Variants in GPC6 observed in about 807,000 individuals in gnomAD.
The protein encoded by GPC6 is glypican 6.
In GPC6, 14 loss-of-function variants were observed where a neutral mutation model predicts 55.2. That is an observed-to-expected ratio of 0.25 (90% CI 0.17 to 0.40). The LOEUF is 0.40. Ranked by LOEUF, GPC6 falls within the 10% of genes least tolerant of loss-of-function variation. The probability of loss-of-function intolerance (pLI) is 1.00; values close to 1 mark genes in which losing one functional copy is unlikely to be tolerated. For missense variants in GPC6, 641 were observed against 708.5 expected (o/e 0.90, Z 1.08); for synonymous variants, 278 against 259.6 (o/e 1.07, Z -0.68).
intron 2 of GPC6, among the ~76,000 whole-genome samples, chr13:93,812,787 T>A (rs1886737459): frequency 6.6e-6 from 1 of 152,218 alleles, no homozygotes; most frequent in Admixed American, 6.5e-5. Context: ...TGCCACACAC[T>A]CTCCTAATTG....
At chr13:93,517,915 A>C (rs1881261658) in intron 1 of GPC6, among the ~76,000 whole-genome samples, 1 of 152,016 alleles carries the variant, frequency 6.6e-6, no homozygotes, top group Non-Finnish European at 1.5e-5. Flanking sequence ...TTTCCTTTTC[A>C]GCAAATCTCT....
At chr13:93,385,753 C>G (rs972570224) in intron 1 of GPC6, among the ~76,000 whole-genome samples, 1 of 151,812 alleles carries the variant, frequency 6.6e-6, no homozygotes, top group African/African-American at 2.4e-5. Flanking sequence ...AAGATTAGTC[C>G]CCCTGTTGTA....
At chr13:94,088,040 G>A (rs905476601) in intron 4 of GPC6, among the ~76,000 whole-genome samples, 1 of 152,148 alleles carries the variant, frequency 6.6e-6, no homozygotes, top group African/African-American at 2.4e-5. Flanking sequence ...ACCTCTTGCT[G>A]AGGCACAGAT....
intron 4 of GPC6, among the ~76,000 whole-genome samples, chr13:94,054,969 C>A (rs978670390): frequency 2.0e-5 from 3 of 152,102 alleles, no homozygotes; most frequent in African/African-American, 7.2e-5. Flanking sequence ...TAAAAAAATC[C>A]CCATTCCAAA....
chr13:93,661,315 G>T lies in GPC6; in HGVS notation c.319+115894G>T, dbSNP rs555161553. Among the ~76,000 whole-genome samples the T allele has an allele frequency of 2.9e-3, 435 of 152,190 alleles. 2 individuals are homozygous for T. Among genetic ancestry groups the T allele is most frequent in the African/African-American group, 0.01 (420 of 41,514 alleles). ...TGCAACCTCCGCCTCCTGGTTTCAA[G>T]CGATTCTCCTGCCTTAGCCTTCCAA... On this transcript the variant is annotated intron_variant, in intron 2 of 8. Transcript: ENST00000377047.
chr13:93,411,971 C>T lies in GPC6; in HGVS notation c.161-133292C>T, dbSNP rs187798547. On this transcript the variant is annotated intron_variant, in intron 1 of 8. Transcript: ENST00000377047. ...TGAGCCAAGATCATGCCACTTTACT[C>T]CAGCCTGGGCAACAGAGAGGGACTA... is the stretch of plus-strand genomic sequence containing the variant. Among the ~76,000 whole-genome samples the T allele has an allele frequency of 7.9e-3, 1,194 of 151,052 alleles. 5 individuals are homozygous for T. The highest frequency in any genetic ancestry group is 0.012 in the Non-Finnish European group (814 of 67,888).
chr13:93,846,530 A>G (rs1888186733), intron 3 of GPC6, among the ~76,000 whole-genome samples: 1 of 152,190 alleles, frequency 6.6e-6, no homozygotes, highest in Non-Finnish European at 1.5e-5. Context: ...TGAAATTTTC[A>G]GGCTGGGCAC....
intron 2 of GPC6, among the ~76,000 whole-genome samples, chr13:93,829,917 T>C (rs1887417412): frequency 1.3e-5 from 2 of 152,186 alleles, no homozygotes; most frequent in Non-Finnish European, 2.9e-5. Flanking sequence ...GAGGATTACA[T>C]GGTAGACTCC....
At chr13:93,333,922 T>G (rs926481230) in intron 1 of GPC6, among the ~76,000 whole-genome samples, 2 of 152,190 alleles carry the variant, frequency 1.3e-5, no homozygotes, top group Non-Finnish European at 2.9e-5. Context: ...TTTGGTGTAG[T>G]CTTTAGGTTT....
Position 94,404,297 on chromosome 13 carries a change from G to A in GPC6, c.*1080G>A, listed in dbSNP as rs572255747. 4 of 151,824 alleles carry A rather than the reference G, an allele frequency of 2.6e-5. No homozygotes were observed. The highest frequency in any genetic ancestry group is 9.7e-5 in the African/African-American group (4 of 41,422). 9.4% of individuals were successfully genotyped at this position (151,824 alleles called of 1,614,324 possible). On this transcript the variant is annotated 3_prime_UTR_variant, in exon 9 of 9. Coordinates refer to ENST00000377047, the MANE Select transcript of GPC6 (RefSeq NM_005708.5). ...AAACAACTCACAACAGAAAAAAAAA[G>A]TCAAGACAAAAAATATATATATATA...
chr13:93,521,286 A>ATTTCT (rs1400361750), intron 1 of GPC6, among the ~76,000 whole-genome samples: 24 of 151,818 alleles, frequency 1.6e-4, no homozygotes, highest in East Asian at 3.9e-4. Flanking sequence ...CCAGGGGAAG[A>ATTTCT]TTTATTTTCT....
the GPC6 span, among the ~76,000 whole-genome samples, chr13:93,221,668 G>A: frequency 1.3e-5 from 2 of 152,140 alleles, no homozygotes; most frequent in Admixed American, 1.3e-4. Flanking sequence ...CACCATTTCT[G>A]GTCATTATTC....
chr13:93,709,496 T>C (rs1190289908), intron 2 of GPC6, among the ~76,000 whole-genome samples: 1 of 151,856 alleles, frequency 6.6e-6, no homozygotes, highest in Non-Finnish European at 1.5e-5. Context: ...CCATGACTTT[T>C]GAATATACAC....
Position 94,133,481 on chromosome 13 carries a change from C to G in GPC6, c.877+105587C>G, listed in dbSNP as rs543505078. The stretch of plus-strand genomic sequence containing the variant: ...GGGAATGTATTCATTTTATATTATA[C>G]AAGATATCTTGGCAGAACTTAATAA... On this transcript the variant is annotated intron_variant, in intron 4 of 8. Transcript: ENST00000377047. Among the ~76,000 whole-genome samples the G allele has an allele frequency of 5.3e-5, 8 of 152,152 alleles. No individual in the cohort carries two copies. In the East Asian group the frequency reaches 1.5e-3, roughly 29 times the overall value.
intron 2 of GPC6, among the ~76,000 whole-genome samples, chr13:93,685,148 T>A (rs2138771800): frequency 6.6e-6 from 1 of 152,332 alleles, no homozygotes; most frequent in Non-Finnish European, 1.5e-5. Context: ...TCTCTTTCAT[T>A]TGAGAGTACC....
chr13:93,697,287 G>C (rs1234650322), intron 2 of GPC6, among the ~76,000 whole-genome samples: 1 of 152,124 alleles, frequency 6.6e-6, no homozygotes, highest in Non-Finnish European at 1.5e-5. Context: ...TGCATTGCTA[G>C]AGTGCCTTTT....
chr13:94,043,944 G>T (rs1883633339), intron 4 of GPC6, among the ~76,000 whole-genome samples: 1 of 151,758 alleles, frequency 6.6e-6, no homozygotes, highest in Non-Finnish European at 1.5e-5. Context: ...ATAGAATTAG[G>T]TTTCCTTGGT....
chr13:93,473,965 C>T (rs1879217082), intron 1 of GPC6, among the ~76,000 whole-genome samples: 1 of 152,158 alleles, frequency 6.6e-6, no homozygotes, highest in Non-Finnish European at 1.5e-5. Flanking sequence ...CCACTGCTGC[C>T]ACTGCTGCTT....
At chr13:93,384,665 A>G (rs893796655) in intron 1 of GPC6, among the ~76,000 whole-genome samples, 10 of 152,202 alleles carry the variant, frequency 6.6e-5, no homozygotes, top group Admixed American at 2.0e-4. Context: ...GTTCAACATA[A>G]TAGGAAGTTA....
Sources: gnomAD v4.1 joint callset for allele counts (sites outside exome capture counted in the v4.1 genomes callset) on GRCh38, gnomAD v4.1.1 for gene constraint, MANE v1.5 for transcripts, NCBI Gene and HGNC (gene_info 2026-07-23, HGNC 2026-07-21) for gene names.